The following USH2A variants were observed in gnomAD, a reference collection of about 807,000 sequenced individuals.
USH2A encodes the protein Usher syndrome 2A (autosomal recessive, mild).
A neutral mutation model predicts 538.9 loss-of-function variants in USH2A; 443 were observed. That is an observed-to-expected ratio of 0.82 (90% CI 0.76 to 0.89). USH2A has a LOEUF of 0.89. Ranked by LOEUF, USH2A falls within the 40% of genes least tolerant of loss-of-function variation. USH2A has a pLI of 0.00. For missense variants in USH2A, 6,633 were observed against 6,324.8 expected, an observed-to-expected ratio of 1.05 and a Z score of -1.65; for synonymous variants, 2,413 against 2,273.5, an observed-to-expected ratio of 1.06 and a Z score of -1.75.
chr1:216,094,554 A>C (rs2032392497), intron 22 of USH2A, among the ~76,000 whole-genome samples: 1 of 152,158 alleles, frequency 6.6e-6, no homozygotes, highest in African/African-American at 2.4e-5. Flanking sequence ...TCACTCTATC[A>C]TTAAATATTT....
chr1:215,669,380 G>A (rs1657738238), intron 64 of USH2A, among the ~76,000 whole-genome samples: 1 of 152,204 alleles, frequency 6.6e-6, no homozygotes, highest in Non-Finnish European at 1.5e-5. Context: ...GCATCGGTAA[G>A]TATTTTGTTC....
chr1:216,122,366 T>C (rs2102595417), intron 21 of USH2A, among the ~76,000 whole-genome samples: 1 of 152,238 alleles, frequency 6.6e-6, no homozygotes, highest in Middle Eastern at 3.4e-3. Context: ...GAATAGAGAC[T>C]TGAACTGACA....
In USH2A at chr1:215,741,463, G is replaced by A; in HGVS notation, c.11623C>T (p.Leu3875Phe). 1 of 1,613,494 alleles carries A rather than the reference G, an allele frequency of 6.2e-7. No individual in the cohort carries two copies. ...AAPMDLNSPV[L>F]KALGSACIEI... ...ATGCAAGCTGACCCCAGTGCCTTAA[G>A]AACAGGAGAATTAAGATCCATTGGG... The change falls in exon 60 of 72, where the codon CTT becomes TTT. Residue 3875 changes from leucine (L) to phenylalanine (F), a missense_variant. Transcript: ENST00000307340.
intron 55 of USH2A, among the ~76,000 whole-genome samples, chr1:215,773,083 G>A (rs180911827): frequency 1.8e-3 from 276 of 152,202 alleles, no homozygotes; most frequent in African/African-American, 6.3e-3. Flanking sequence ...GGGAGTCCTC[G>A]GTAAGCCTTT....
chr1:215,687,730 T>C (rs1658478208), intron 61 of USH2A, among the ~76,000 whole-genome samples: 1 of 152,160 alleles, frequency 6.6e-6, no homozygotes, highest in African/African-American at 2.4e-5. Context: ...TTCACTCTGA[T>C]AATCTATTCT....
rs1214375958 is a variant in USH2A at position 215,782,161 on chromosome 1, T to C, written c.10621A>G (p.Ile3541Val). Residue 3541 changes from isoleucine (I) to valine (V), a missense_variant, in exon 54 of 72, where the codon ATT (isoleucine) becomes GTT (valine). By Grantham distance (29) the Ile-to-Val change is conservative. Coordinates refer to ENST00000307340, the MANE Select transcript of USH2A (RefSeq NM_206933.4). ...AGTGATGTTCCCCGAAAACGTTCAA[T>C]TCCATTTCGAAGAAGGATGTAGTAA... ...IIYYILLRNG[I>V]ERFRGTSLSF... The C allele has an allele frequency of 6.2e-7, 1 of 1,613,946 alleles. No homozygotes were observed. Among genetic ancestry groups the C allele is most frequent in the Admixed American group, 1.7e-5 (1 of 60,004 alleles).
At chr1:216,135,108 C>T (rs960097040) in intron 21 of USH2A, among the ~76,000 whole-genome samples, 10 of 148,934 alleles carry the variant, frequency 6.7e-5, no homozygotes, top group African/African-American at 2.5e-4. Context: ...GGCAGTCTAC[C>T]ATTAATATCT....
At chr1:216,396,483 G>A in intron 3 of USH2A, among the ~76,000 whole-genome samples, 2 of 152,212 alleles carry the variant, frequency 1.3e-5, no homozygotes, top group South Asian at 4.1e-4. Flanking sequence ...ATTAACAACA[G>A]CCCATAATTA....
At chr1:216,347,265 T>G (rs1018787730) in intron 4 of USH2A, among the ~76,000 whole-genome samples, 3 of 152,076 alleles carry the variant, frequency 2.0e-5, no homozygotes, top group Non-Finnish European at 4.4e-5. Flanking sequence ...AAGAGACAGA[T>G]GGTTTGGAGA....
At position 215,665,642 on chromosome 1, in the gene USH2A, T is replaced by C. The variant is rs187070328; in HGVS notation, c.14133+5330A>G. ...TCACACCCAGGTCCCTCTCAAAGCC[T>C]GTGGGAAAAATATTGTCTTAATTTG... On this transcript the variant is annotated intron_variant, in intron 64 of 71. Coordinates refer to ENST00000307340, the MANE Select transcript of USH2A (RefSeq NM_206933.4). Among the ~76,000 whole-genome samples the C allele has an allele frequency of 1.5e-3, 226 of 152,294 alleles. 1 individual carries two copies. The highest frequency in any genetic ancestry group is 6.8e-3 in the Middle Eastern group (2 of 294).
Position 215,675,351 on chromosome 1 carries a change from C to T in USH2A, c.12560G>A (p.Arg4187His), listed in dbSNP as rs147304271. The T allele has an allele frequency of 1.2e-5, 20 of 1,613,978 alleles. No homozygotes were observed. The highest frequency in any genetic ancestry group is 1.6e-4 in the Middle Eastern group (1 of 6,084). ...EPVNPNGKIIRYEVIRRCFEG... is the reference protein window; with the variant it reads ...EPVNPNGKIIHYEVIRRCFEG... ...GAAGCATCTGCGAATCACTTCATAG[C>T]GAATTATTTTTCCATTTGGGTTAAC... Residue 4187 changes from arginine (R) to histidine (H), a missense_variant, in exon 63 of 72, where the codon CGC becomes CAC. Physicochemically the swap from Arg to His is conservative, Grantham distance 29. Coordinates refer to ENST00000307340, the MANE Select transcript of USH2A (RefSeq NM_206933.4).
At chr1:216,219,298 C>T (rs979083810) in intron 14 of USH2A, among the ~76,000 whole-genome samples, 1 of 152,048 alleles carries the variant, frequency 6.6e-6, no homozygotes, top group Non-Finnish European at 1.5e-5. Flanking sequence ...CACTTGACTT[C>T]AGTAAGAGAG....
rs971572028 is a variant in USH2A, at chr1:216,347,858, C to T, written c.784+17095G>A. On this transcript the variant is annotated intron_variant, in intron 4 of 71. Coordinates refer to ENST00000307340, the MANE Select transcript of USH2A (RefSeq NM_206933.4). The stretch of plus-strand genomic sequence containing the variant: ...ATTTTGACAGGTGCTCTTGAATGCA[C>T]GTTTCTAATAACTTTGAAGATTGTG... Among the ~76,000 whole-genome samples, 9 of 152,196 alleles carry T rather than the reference C, an allele frequency of 5.9e-5. No individual in the cohort carries two copies. In the South Asian group the frequency reaches 6.2e-4, roughly 11 times the overall value.
intron 4 of USH2A, among the ~76,000 whole-genome samples, chr1:216,360,685 TGA>T (rs2102703033): frequency 7.0e-6 from 1 of 143,662 alleles, no homozygotes; most frequent in East Asian, 2.0e-4. Context: ...AATTTTTCTG[TGA>T]CTCTAAAATT....
At chr1:215,819,804 T>G (rs1331671072) in intron 47 of USH2A, among the ~76,000 whole-genome samples, 1 of 151,718 alleles carries the variant, frequency 6.6e-6, no homozygotes, top group Non-Finnish European at 1.5e-5. Context: ...ACAGTTTGCT[T>G]TTGAGGATTT....
Position 216,080,283 on chromosome 1 carries a change from T to A in USH2A, c.5299-1921A>T, listed in dbSNP as rs963640932. On this transcript the variant is annotated intron_variant, in intron 26 of 71. Coordinates refer to ENST00000307340, the MANE Select transcript of USH2A (RefSeq NM_206933.4). ...GTCTTGTAGTAGAAAATAGTTCTTT[T>A]AAGTGACAATGATCTCCTTAAAGAA... Among the ~76,000 whole-genome samples, 4 of 152,168 alleles carry A rather than the reference T, an allele frequency of 2.6e-5. 1 individual carries two copies.
chr1:216,354,026 T>C (rs2038335382), intron 4 of USH2A, among the ~76,000 whole-genome samples: 1 of 152,068 alleles, frequency 6.6e-6, no homozygotes, highest in Admixed American at 6.6e-5. Context: ...GAAGCAGCCA[T>C]ACAGAGGCCA....
chr1:215,934,311 C>T (rs1666436883), intron 38 of USH2A, among the ~76,000 whole-genome samples: 1 of 151,822 alleles, frequency 6.6e-6, no homozygotes, highest in South Asian at 2.1e-4. Context: ...AATCATTTCC[C>T]AATTTTCTTA....
chr1:216,279,260 C>T (rs568388490), intron 11 of USH2A, among the ~76,000 whole-genome samples: 69 of 152,152 alleles, frequency 4.5e-4, no homozygotes, highest in African/African-American at 1.6e-3. Flanking sequence ...TTAAAAATGG[C>T]TATTAGGTGA....
Sources: allele counts gnomAD v4.1 joint callset (sites outside exome capture counted in the v4.1 genomes callset), GRCh38; gene constraint gnomAD v4.1.1; transcripts MANE v1.5; gene names NCBI Gene and HGNC (gene_info 2026-07-23, HGNC 2026-07-21).